BICD1: variants seen among roughly 807,000 people sequenced by gnomAD.
BICD1 encodes the protein BICD cargo adaptor 1.
A neutral mutation model predicts 92.5 loss-of-function variants in BICD1; 35 were observed. The ratio of observed to expected loss-of-function variants is 0.38; its 90% CI spans 0.29 to 0.50. BICD1 has a LOEUF of 0.50. Ranked by LOEUF, BICD1 falls within the 20% of genes least tolerant of loss-of-function variation. BICD1 has a pLI of 0.93. For missense variants in BICD1, 950 were observed against 1,189.8 expected (o/e 0.80, Z 2.97); for synonymous variants, 429 against 465.1 (o/e 0.92, Z 1.00).
intron 1 of BICD1, among the ~76,000 whole-genome samples, chr12:32,194,225 A>T (rs919680914): frequency 2.0e-5 from 3 of 152,230 alleles, no homozygotes; most frequent in African/African-American, 7.2e-5. Flanking sequence ...GCCATATATG[A>T]CAAGCTCACA....
chr12:32,324,166 A>T (rs1366657232), intron 4 of BICD1, among the ~76,000 whole-genome samples: 4 of 151,692 alleles, frequency 2.6e-5, no homozygotes, highest in African/African-American at 9.7e-5. Context: ...TCTACTAAAA[A>T]CCCCATGGTG....
intron 2 of BICD1, among the ~76,000 whole-genome samples, chr12:32,225,641 T>TTTTTTTTG (rs1945664708): frequency 7.5e-6 from 1 of 134,216 alleles, no homozygotes. Context: ...TTTTTTTTTT[T>TTTTTTTTG]AGACGGAGTT....
chr12:32,214,158 T>A (rs1162625316), intron 1 of BICD1, among the ~76,000 whole-genome samples: 1 of 152,200 alleles, frequency 6.6e-6, no homozygotes, highest in Non-Finnish European at 1.5e-5. Context: ...TTTTGACATA[T>A]CCTCATTATC....
rs1486131484 is a variant in BICD1 at position 32,116,504 on chromosome 12, C to CTATATATATATATA, written c.213+8961_213+8962insATATATATATATAT. Among the ~76,000 whole-genome samples, 10 of 82,118 alleles carry CTATATATATATATA rather than the reference C, an allele frequency of 1.2e-4. No individual in the cohort carries two copies. The East Asian group carries it at 1.9e-3, about 15-fold the overall frequency. The allele number at this position is 82,118 out of a possible 152,430, so 53.9% of individuals were successfully genotyped here. A position where few individuals can be genotyped will look rare whatever the true frequency, so the allele number is the denominator to read the frequency against. ...TCTCTCTCTCTCTTTCTCTCTCTCT[C>CTATATATATATATA]TCTCTCTATATATATATATATATAT... On this transcript the variant is annotated intron_variant, in intron 1 of 9. Coordinates refer to ENST00000652176, the MANE Select transcript of BICD1 (RefSeq NM_001714.4).
chr12:32,193,753 C>A (rs769467820), intron 1 of BICD1, among the ~76,000 whole-genome samples: 2 of 152,200 alleles, frequency 1.3e-5, no homozygotes, highest in African/African-American at 2.4e-5. Flanking sequence ...TAGATGGCTT[C>A]TTTGGTGAGT....
At chr12:32,161,615 G>C (rs1163254658) in intron 1 of BICD1, among the ~76,000 whole-genome samples, 2 of 152,168 alleles carry the variant, frequency 1.3e-5, no homozygotes, top group East Asian at 1.9e-4. Context: ...ATGCCTGATG[G>C]TATCCACTGC....
At chr12:32,107,924 A>ATGAG in intron 1 of BICD1, 1 of 549,518 alleles carries the variant, frequency 1.8e-6, no homozygotes, top group South Asian at 2.0e-5. Context: ...CACAAAAGTG[A>ATGAG]TGAGGTTTGT....
chr12:32,367,855 T>G, intron 9 of BICD1, 110 bp downstream of exon 9: 1 of 1,021,150 alleles, frequency 9.8e-7, no homozygotes, highest in Non-Finnish European at 1.5e-6. Context: ...TTTGCTGTAT[T>G]TTATTTCAAG....
chr12:32,348,482 T>C (rs1211050951), intron 8 of BICD1, among the ~76,000 whole-genome samples: 2 of 151,972 alleles, frequency 1.3e-5, no homozygotes, highest in Non-Finnish European at 2.9e-5. Context: ...AAGTACTTAT[T>C]TGATATTCTT....
At chr12:32,339,706 G>T in intron 8 of BICD1, 1 of 985,340 alleles carries the variant, frequency 1.0e-6, no homozygotes, top group South Asian at 4.7e-5. Context: ...AGGAATCCCT[G>T]CATGTGAGTA....
intron 4 of BICD1, among the ~76,000 whole-genome samples, chr12:32,315,757 A>G (rs1324090018): frequency 1.3e-5 from 2 of 152,174 alleles, no homozygotes; most frequent in African/African-American, 2.4e-5. Flanking sequence ...CCATACTTTG[A>G]GTACCTATAC....
chr12:32,363,760 T>C (rs1344075433), intron 8 of BICD1, among the ~76,000 whole-genome samples: 2 of 152,180 alleles, frequency 1.3e-5, no homozygotes, highest in Non-Finnish European at 2.9e-5. Flanking sequence ...TTCCCTATCA[T>C]AGGAGGCAAT....
intron 1 of BICD1, chr12:32,108,512 C>A: frequency 2.0e-6 from 1 of 499,022 alleles, no homozygotes; most frequent in South Asian, 3.2e-5. Context: ...TAACCACTTA[C>A]AAATTTAAAT....
At chr12:32,376,540 G>A (rs935399906) in intron 9 of BICD1, among the ~76,000 whole-genome samples, 23 of 151,466 alleles carry the variant, frequency 1.5e-4, no homozygotes, top group Admixed American at 9.9e-4. Flanking sequence ...TATCACAGGC[G>A]TCGTTTGGAA....
chr12:32,366,998 T>C (rs888825089), intron 8 of BICD1, among the ~76,000 whole-genome samples: 1 of 152,202 alleles, frequency 6.6e-6, no homozygotes, highest in Admixed American at 6.5e-5. Context: ...GACTTTAAAA[T>C]GGTAAAAACA....
chr12:32,221,059 A>T (rs986323340), intron 2 of BICD1, among the ~76,000 whole-genome samples: 7 of 133,580 alleles, frequency 5.2e-5, no homozygotes, highest in African/African-American at 1.7e-4. Context: ...ACACATGGAC[A>T]CAGGAAGGGG....
rs570097873 is a variant in BICD1 at position 32,188,930 on chromosome 12, A to G, written c.214-27317A>G. 3.3e-5 allele frequency among the ~76,000 whole-genome samples: 5 copies of G among 152,228 alleles called. No homozygotes were observed. In the East Asian group the frequency reaches 9.6e-4, roughly 29 times the overall value. ...TTTTTAGTAGAGACGGGGTTTCACC[A>G]TGTTGGCCAGGCTGGTGCATCCTGA... is the stretch of plus-strand genomic sequence containing the variant. On this transcript the variant is annotated intron_variant, in intron 1 of 9. Transcript: ENST00000652176.
chr12:32,276,370 G>T (rs915954789), intron 2 of BICD1, among the ~76,000 whole-genome samples: 1 of 152,312 alleles, frequency 6.6e-6, no homozygotes, highest in Non-Finnish European at 1.5e-5. Flanking sequence ...GGACTAGCTG[G>T]ATTTCCTAGG....
At chr12:32,263,751 T>C (rs2136131506) in intron 2 of BICD1, among the ~76,000 whole-genome samples, 1 of 152,278 alleles carries the variant, frequency 6.6e-6, no homozygotes, top group South Asian at 2.1e-4. Flanking sequence ...TGTGATATAT[T>C]ATGGATGTTT....
Sources: gnomAD v4.1 joint callset for allele counts (sites outside exome capture counted in the v4.1 genomes callset) on GRCh38, gnomAD v4.1.1 for gene constraint, MANE v1.5 for transcripts, NCBI Gene and HGNC (gene_info 2026-07-23, HGNC 2026-07-21) for gene names.